EPHA3: variants seen among roughly 807,000 people sequenced by gnomAD.
EPHA3 encodes the protein EPH receptor A3.
EPHA3 carries 42 observed loss-of-function variants against 107.1 expected under a neutral mutation model. The ratio of observed to expected loss-of-function variants is 0.39; its 90% confidence interval spans 0.31 to 0.51. EPHA3 has a LOEUF of 0.51. Ranked by LOEUF, EPHA3 falls within the 20% of genes least tolerant of loss-of-function variation. The pLI is 0.78. For synonymous variants in EPHA3, 461 were observed against 424.8 expected (o/e 1.09, Z -1.05); for missense variants, 1,183 against 1,211.2 (o/e 0.98, Z 0.35).
intron 3 of EPHA3, among the ~76,000 whole-genome samples, chr3:89,322,739 G>T (rs1388614452): frequency 6.6e-6 from 1 of 152,116 alleles, no homozygotes; most frequent in Non-Finnish European, 1.5e-5. Flanking sequence ...CCCCTGAGGA[G>T]ATCCATTCAG....
chr3:89,413,056 T>A, intron 9 of EPHA3, 85 bp from the exon 10 acceptor site: 1 of 1,569,552 alleles, frequency 6.4e-7, no homozygotes. Context: ...GGGATTTTTT[T>A]AAACCAATAA....
chr3:89,467,468 T>C (rs1710308473), intron 15 of EPHA3, among the ~76,000 whole-genome samples: 1 of 152,196 alleles, frequency 6.6e-6, no homozygotes, highest in Non-Finnish European at 1.5e-5. Flanking sequence ...TTTTGATATT[T>C]GAGGAGTAAA....
Position 89,107,775 on chromosome 3 carries a change from C to A in EPHA3, c.27C>A (p.Leu9=), listed in dbSNP as rs1707006410. The change falls in exon 1 of 17, where the codon CTC becomes CTA. Residue 9 remains leucine, a synonymous_variant. Transcript: ENST00000336596. ...TGGATTGTCAGCTCTCCATCCTCCTCCTTCTCAGCTGCTCTGTTCTCGACA... is the reference window on the plus strand; with the variant it reads ...TGGATTGTCAGCTCTCCATCCTCCTACTTCTCAGCTGCTCTGTTCTCGACA... The part of the protein sequence containing the change: MDCQLSIL[L]LLSCSVLDSF... 6.2e-7 allele frequency: 1 copy of A among 1,614,206 alleles called. No homozygotes were observed. Among genetic ancestry groups the A allele is most frequent in the African/African-American group, 1.3e-5 (1 of 75,068 alleles).
At chr3:89,427,014 T>C (rs1261298593) in intron 11 of EPHA3, among the ~76,000 whole-genome samples, 4 of 151,866 alleles carry the variant, frequency 2.6e-5, no homozygotes, top group Non-Finnish European at 4.4e-5. Flanking sequence ...TTGAATATTG[T>C]TTAATCAAAG....
chr3:89,430,665 A>C (rs1182688931), intron 12 of EPHA3, among the ~76,000 whole-genome samples: 4 of 152,162 alleles, frequency 2.6e-5, no homozygotes, highest in Non-Finnish European at 4.4e-5. Context: ...ATATCCAATA[A>C]ATATTTTTGA....
intron 2 of EPHA3, among the ~76,000 whole-genome samples, chr3:89,132,411 A>G (rs1247086386): frequency 6.6e-6 from 1 of 152,220 alleles, no homozygotes; most frequent in East Asian, 1.9e-4. Context: ...CTATGGCATA[A>G]TTGTATATTA....
chr3:89,396,186 C>T (rs1349492157), intron 6 of EPHA3, among the ~76,000 whole-genome samples: 2 of 152,180 alleles, frequency 1.3e-5, no homozygotes, highest in African/African-American at 2.4e-5. Flanking sequence ...ATGCCACTGC[C>T]AACTTAATCC....
At chr3:89,226,817 A>C (rs1164287380) in intron 3 of EPHA3, among the ~76,000 whole-genome samples, 2 of 152,100 alleles carry the variant, frequency 1.3e-5, no homozygotes, top group Non-Finnish European at 2.9e-5. Flanking sequence ...CCAGATAATT[A>C]GCTACTTTGC....
At chr3:89,171,909 C>A (rs1705218084) in intron 2 of EPHA3, among the ~76,000 whole-genome samples, 1 of 152,132 alleles carries the variant, frequency 6.6e-6, no homozygotes, top group African/African-American at 2.4e-5. Context: ...TAAGCCTGAC[C>A]ATAATCTTTC....
intron 2 of EPHA3, among the ~76,000 whole-genome samples, chr3:89,161,595 C>A (rs536100687): frequency 2.0e-5 from 3 of 152,108 alleles, no homozygotes; most frequent in Admixed American, 6.5e-5. Context: ...TACTGACGGG[C>A]AGTCATTCAT....
chr3:89,170,264 A>AG (rs1315322744), intron 2 of EPHA3, among the ~76,000 whole-genome samples: 1 of 152,002 alleles, frequency 6.6e-6, no homozygotes, highest in African/African-American at 2.4e-5. Flanking sequence ...TCAGAAAAAA[A>AG]AAAAAAAGAG....
intron 3 of EPHA3, among the ~76,000 whole-genome samples, chr3:89,222,330 T>TAC (rs1386299689): frequency 5.1e-4 from 5 of 9,802 alleles, no homozygotes; most frequent in South Asian, 2.8e-3. Flanking sequence ...CATATACATA[T>TAC]ATATATATAT....
At chr3:89,194,964 C>T (rs537032870) in intron 2 of EPHA3, among the ~76,000 whole-genome samples, 1 of 152,194 alleles carries the variant, frequency 6.6e-6, no homozygotes, top group South Asian at 2.1e-4. Context: ...CTCATCAGCT[C>T]ATAGTTCTCT....
At chr3:89,317,533 T>C (rs1404317241) in intron 3 of EPHA3, among the ~76,000 whole-genome samples, 1 of 151,846 alleles carries the variant, frequency 6.6e-6, no homozygotes, top group Non-Finnish European at 1.5e-5. Context: ...TTAATCTCTA[T>C]CTATACCATG....
intron 13 of EPHA3, among the ~76,000 whole-genome samples, chr3:89,436,339 A>G (rs1050872973): frequency 1.3e-5 from 2 of 152,196 alleles, no homozygotes; most frequent in Non-Finnish European, 2.9e-5. Flanking sequence ...TTCCTTTTGG[A>G]TAAGAGATCC....
At chr3:89,322,160 T>C (rs960129047) in intron 3 of EPHA3, among the ~76,000 whole-genome samples, 5 of 151,800 alleles carry the variant, frequency 3.3e-5, no homozygotes, top group African/African-American at 1.2e-4. Context: ...GAAAACAGTA[T>C]ATACTTATCG....
intron 3 of EPHA3, among the ~76,000 whole-genome samples, chr3:89,332,501 A>G (rs904220281): frequency 6.6e-6 from 1 of 152,218 alleles, no homozygotes; most frequent in Non-Finnish European, 1.5e-5. Context: ...CACTTTGTAA[A>G]TGCTGCACAT....
intron 1 of EPHA3, among the ~76,000 whole-genome samples, chr3:89,122,012 C>G (rs964204084): frequency 3.3e-5 from 5 of 151,548 alleles, no homozygotes; most frequent in African/African-American, 9.7e-5. Flanking sequence ...TATGTTTGAC[C>G]GGAGAACTAC....
chr3:89,281,455 G>A (rs1432048559), intron 3 of EPHA3, among the ~76,000 whole-genome samples: 1 of 152,106 alleles, frequency 6.6e-6, no homozygotes, highest in African/African-American at 2.4e-5. Context: ...ATGGAAACCT[G>A]CTCTAATTCT....
Sources: allele counts gnomAD v4.1 joint callset (sites outside exome capture counted in the v4.1 genomes callset), GRCh38; gene constraint gnomAD v4.1.1; transcripts MANE v1.5; gene names NCBI Gene and HGNC (gene_info 2026-07-23, HGNC 2026-07-21).